Variants in TMPRSS11B observed in about 807,000 individuals in gnomAD.
TMPRSS11B encodes the protein transmembrane protease serine 11B.
A neutral mutation model predicts 44.7 loss-of-function variants in TMPRSS11B; 53 were observed. The observed-to-expected ratio is 1.19, with a 90% CI of 0.95 to 1.49. The LOEUF (loss-of-function observed/expected upper bound fraction) is 1.49, where lower values mean the gene tolerates loss of function less well. Ranked by LOEUF, TMPRSS11B falls within the 40% of genes most tolerant of loss-of-function variation. The pLI is 0.00. For missense variants in TMPRSS11B, 526 were observed against 494.8 expected, an observed-to-expected ratio of 1.06 and a Z score of -0.60; for synonymous variants, 140 against 159.2, an observed-to-expected ratio of 0.88 and a Z score of 0.91.
In TMPRSS11B at chr4:68,236,066, A is replaced by G; in HGVS notation, c.244T>C (p.Leu82=). ...NLSKDIETKM[L]NAFQNSSIYK... is the part of the protein sequence containing the mutation. ...ATACTGGAATTTTGAAATGCATTTA[A>G]CATCTGACAAGAGAAAAAAAACAGT... Residue 82 remains leucine, a synonymous_variant, in exon 4 of 10, where the codon TTA becomes CTA. Transcript: ENST00000332644. 6.3e-7 allele frequency: 1 copy of G among 1,591,330 alleles called. No individual in the cohort carries two copies.
Position 68,236,249 on chromosome 4 carries a change from G to C in TMPRSS11B, c.142C>G (p.Gln48Glu). 1 of 1,603,262 alleles carries C rather than the reference G, an allele frequency of 6.2e-7. No individual in the cohort carries two copies. Among genetic ancestry groups the C allele is most frequent in the Non-Finnish European group, 8.5e-7 (1 of 1,174,212 alleles). Reference protein sequence around the residue: ...FLAVEKTYYYQGDFHISGVTY... With the variant: ...FLAVEKTYYYEGDFHISGVTY... Reference sequence around the variant, plus strand: ...ACTCCAGAAATATGAAAATCACCTTGATAATAGTAAGTCTTCTCTGCAAAA... The same window carrying C: ...ACTCCAGAAATATGAAAATCACCTTCATAATAGTAAGTCTTCTCTGCAAAA... Residue 48 changes from glutamine to glutamate, a missense_variant, in exon 3 of 10, where the codon CAA (glutamine) becomes GAA (glutamate). Transcript: ENST00000332644.
intron 6 of TMPRSS11B, chr4:68,232,138 C>G (rs1450682427): frequency 6.8e-6 from 2 of 292,252 alleles, no homozygotes; most frequent in Non-Finnish European, 1.3e-5. Flanking sequence ...TTTTCACTCA[C>G]AGTTTTATTA....
intron 7 of TMPRSS11B, among the ~76,000 whole-genome samples, chr4:68,230,143 T>C (rs751397312): frequency 3.9e-5 from 6 of 152,214 alleles, no homozygotes; most frequent in Non-Finnish European, 5.9e-5. Flanking sequence ...ATATGACCCA[T>C]ATTTTCTTTA....
chr4:68,242,927 C>T (rs1034766799), intron 1 of TMPRSS11B, among the ~76,000 whole-genome samples: 8 of 152,070 alleles, frequency 5.3e-5, no homozygotes, highest in Non-Finnish European at 1.0e-4. Context: ...ATTAATAGAT[C>T]AGTTAGTTGT....
intron 2 of TMPRSS11B, among the ~76,000 whole-genome samples, chr4:68,241,359 G>C (rs1323949517): frequency 1.3e-5 from 2 of 151,924 alleles, no homozygotes; most frequent in Non-Finnish European, 2.9e-5. Context: ...AGAAGAGAAG[G>C]AATCTCTAAA....
chr4:68,241,101 T>C (rs1482019441), intron 2 of TMPRSS11B, among the ~76,000 whole-genome samples: 2 of 152,160 alleles, frequency 1.3e-5, no homozygotes, highest in African/African-American at 4.8e-5. Context: ...ATGATGGATG[T>C]CAAATTTATT....
At chr4:68,232,263 C>T (rs1462772295) in intron 6 of TMPRSS11B, 115 bp downstream of exon 6, 16 of 941,170 alleles carry the variant, frequency 1.7e-5, no homozygotes, top group South Asian at 5.2e-5. Flanking sequence ...TCTAGTAATT[C>T]GGAAAGCGTG....
intron 1 of TMPRSS11B, among the ~76,000 whole-genome samples, chr4:68,242,220 T>TTATA (rs1719848917): frequency 6.6e-4 from 4 of 6,094 alleles, no homozygotes; most frequent in African/African-American, 9.5e-4. Flanking sequence ...ATATATAATA[T>TTATA]TATATTATAT....
intron 1 of TMPRSS11B, among the ~76,000 whole-genome samples, chr4:68,243,663 C>T (rs1286396739): frequency 6.6e-6 from 1 of 152,050 alleles, no homozygotes; most frequent in African/African-American, 2.4e-5. Flanking sequence ...TAACATGTTT[C>T]TTTTAATGAC....
At chr4:68,233,852 T>A (rs1719586757) in intron 5 of TMPRSS11B, among the ~76,000 whole-genome samples, 1 of 151,784 alleles carries the variant, frequency 6.6e-6, no homozygotes, top group African/African-American at 2.4e-5. Context: ...TGTCATGAGA[T>A]CCTGACAAAA....
At chr4:68,245,441 G>T in intron 1 of TMPRSS11B, 110 bp downstream of exon 1, 2 of 1,183,548 alleles carry the variant, frequency 1.7e-6, no homozygotes, top group Non-Finnish European at 2.5e-6. Flanking sequence ...ACAGTGTCCA[G>T]GAATAAAAAC....
chr4:68,230,698 G>A (rs1471702461), intron 7 of TMPRSS11B, among the ~76,000 whole-genome samples: 1 of 151,970 alleles, frequency 6.6e-6, no homozygotes, highest in Non-Finnish European at 1.5e-5. Flanking sequence ...CAGCTACTCA[G>A]GAGGCTGAGA....
chr4:68,242,289 T>A lies in TMPRSS11B; in HGVS notation c.9-485A>T, dbSNP rs1221124393. 6.0e-4 allele frequency among the ~76,000 whole-genome samples: 44 copies of A among 73,222 alleles called. 1 individual carries two copies. Among genetic ancestry groups the A allele is most frequent in the African/African-American group, 2.0e-3 (33 of 16,388 alleles). 48.0% of individuals were successfully genotyped at this position (73,222 alleles called of 152,430 possible). A position where few individuals can be genotyped will look rare whatever the true frequency, so the allele number is the denominator to read the frequency against. ...ATAATATAATATTATATATATTATA[T>A]TATACATAATATAATATATATAATA... On this transcript the variant is annotated intron_variant, in intron 1 of 9. Transcript: ENST00000332644.
chr4:68,229,126 C>A (rs1397919861), intron 8 of TMPRSS11B, 131 bp downstream of exon 8: 2 of 1,036,014 alleles, frequency 1.9e-6, no homozygotes, highest in East Asian at 2.5e-5. Context: ...CTTTTTGTCC[C>A]ACCACTTGGT....
At chr4:68,239,757 T>C (rs142483105) in intron 2 of TMPRSS11B, among the ~76,000 whole-genome samples, 3,053 of 152,264 alleles carry the variant, frequency 0.02, 95 homozygotes, top group African/African-American at 0.069. Flanking sequence ...ATAATCACTA[T>C]AGAGCTTCCA....
intron 7 of TMPRSS11B, among the ~76,000 whole-genome samples, chr4:68,230,398 A>T (rs753989668): frequency 2.0e-5 from 3 of 152,154 alleles, no homozygotes; most frequent in Non-Finnish European, 4.4e-5. Context: ...TCGTACTTTT[A>T]ATATATGACA....
chr4:68,235,682 C>A (rs1719639942), intron 4 of TMPRSS11B, among the ~76,000 whole-genome samples: 1 of 152,112 alleles, frequency 6.6e-6, no homozygotes. Flanking sequence ...AATTATCTTT[C>A]ATCATAGCAG....
intron 9 of TMPRSS11B, 110 bp from the exon 10 acceptor site, chr4:68,228,182 T>G (rs569980257): frequency 9.8e-7 from 1 of 1,021,104 alleles, no homozygotes; most frequent in South Asian, 1.9e-5. Flanking sequence ...TCACTCTCTT[T>G]GGGCTTAGAA....
Position 68,229,366 on chromosome 4 carries a change from T to G in TMPRSS11B, c.837A>C (p.Glu279Asp). The change falls in exon 8 of 10, where the codon GAA becomes GAC. Residue 279 changes from glutamate to aspartate, a missense_variant. Glu to Asp is a conservative substitution (Grantham distance 45). Transcript: ENST00000332644. ...TACGAATGTACTCTGTAAAAGAAACTTCTTCAGCAAGCTGCACAAGGGCAA... is the reference window on the plus strand; with the variant it reads ...TACGAATGTACTCTGTAAAAGAAACGTCTTCAGCAAGCTGCACAAGGGCAA... ...DDIALVQLAE[E>D]VSFTEYIRKI... 6.2e-7 allele frequency: 1 copy of G among 1,614,064 alleles called. No individual in the cohort carries two copies. The highest frequency in any genetic ancestry group is 8.5e-7 in the Non-Finnish European group (1 of 1,179,980).
Sources: allele counts gnomAD v4.1 joint callset (sites outside exome capture counted in the v4.1 genomes callset), GRCh38; gene constraint gnomAD v4.1.1; transcripts MANE v1.5; gene names NCBI Gene and HGNC (gene_info 2026-07-23, HGNC 2026-07-21).